The following CLDN14 variants were observed in gnomAD, a reference collection of about 807,000 sequenced individuals.
The protein encoded by CLDN14 is claudin-14.
In CLDN14, 2 loss-of-function variants were observed where a neutral mutation model predicts 2.1. The ratio of observed to expected loss-of-function variants is 0.96; its 90% CI spans 0.39 to 3.01. CLDN14 has a LOEUF of 3.01. CLDN14 is among the 30% of genes most tolerant of loss of function. The pLI, the probability that CLDN14 is intolerant of heterozygous loss-of-function variation, is 0.09. For missense variants in CLDN14, 298 were observed against 328.0 expected, an observed-to-expected ratio of 0.91 and a Z score of 0.71; for synonymous variants, 136 against 154.4, an observed-to-expected ratio of 0.88 and a Z score of 0.88.
intron 1 of CLDN14, among the ~76,000 whole-genome samples, chr21:36,566,240 T>C (rs546979963): frequency 1.3e-5 from 2 of 152,228 alleles, no homozygotes; most frequent in African/African-American, 4.8e-5. Context: ...ACTAATTTGA[T>C]GATAACAAGG....
upstream of CLDN14, among the ~76,000 whole-genome samples, chr21:36,481,574 A>G (rs1271419073): frequency 6.6e-6 from 1 of 152,240 alleles, no homozygotes; most frequent in East Asian, 1.9e-4. Flanking sequence ...GCTTTAAAAT[A>G]TTATGATAGT....
chr21:36,564,531 G>A (rs548583477), intron 1 of CLDN14, among the ~76,000 whole-genome samples: 6 of 152,334 alleles, frequency 3.9e-5, no homozygotes, highest in Non-Finnish European at 8.8e-5. Context: ...GGCTGGGATT[G>A]AGTCTCTTTG....
chr21:36,493,715 T>C (rs1204942096), intron 2 of CLDN14, among the ~76,000 whole-genome samples: 1 of 152,116 alleles, frequency 6.6e-6, no homozygotes, highest in Admixed American at 6.5e-5. Context: ...ATGGGCTTTT[T>C]TTCTGCCCCC....
intron 1 of CLDN14, among the ~76,000 whole-genome samples, chr21:36,535,689 G>C (rs2087418459): frequency 6.6e-6 from 1 of 152,176 alleles, no homozygotes; most frequent in Non-Finnish European, 1.5e-5. Flanking sequence ...GAGTGGCTCT[G>C]AGCAGGTGAC....
In CLDN14 at chr21:36,553,020, G is replaced by A. The variant is rs903680016; in HGVS notation, c.-220+23391C>T. On this transcript the variant is annotated intron_variant, in intron 1 of 2. Coordinates refer to the CLDN14 transcript ENST00000342108. ...ATAACCCAGGTTTCCCGCCACCTAG[G>A]GCCCAGCTGACGCACACCAAATCCC... is the stretch of plus-strand genomic sequence containing the variant. Among the ~76,000 whole-genome samples the A allele has an allele frequency of 1.3e-5, 2 of 152,158 alleles. 1 individual carries two copies. Among genetic ancestry groups the A allele is most frequent in the African/African-American group, 4.8e-5 (2 of 41,422 alleles).
In CLDN14 at chr21:36,569,370, C is replaced by T. The variant is rs111703864; in HGVS notation, c.-220+7041G>A. On this transcript the variant is annotated intron_variant, in intron 1 of 2. Transcript: ENST00000342108. ...GGCAAAGGTTGCAGTGAGCTGAAATCGCACCACTATAGTCCAGCCTGGGCA... is the reference window on the plus strand; with the variant it reads ...GGCAAAGGTTGCAGTGAGCTGAAATTGCACCACTATAGTCCAGCCTGGGCA... Among the ~76,000 whole-genome samples, 8 of 151,484 alleles carry T rather than the reference C, an allele frequency of 5.3e-5. No individual in the cohort carries two copies. The East Asian group carries it at 1.4e-3, about 26-fold the overall frequency.
intron 1 of CLDN14, among the ~76,000 whole-genome samples, chr21:36,538,759 A>C (rs75344422): frequency 6.6e-6 from 1 of 151,888 alleles, no homozygotes; most frequent in African/African-American, 2.4e-5. Flanking sequence ...ATTGAAAACC[A>C]TTTTTTTTCC....
chr21:36,490,773 G>C (rs1206505065), intron 2 of CLDN14, among the ~76,000 whole-genome samples: 2 of 152,092 alleles, frequency 1.3e-5, no homozygotes, highest in African/African-American at 4.8e-5. Context: ...GGCCTTAAGA[G>C]ATCCTCCCAC....
At chr21:36,524,962 A>G (rs2087311933) in intron 1 of CLDN14, among the ~76,000 whole-genome samples, 1 of 152,102 alleles carries the variant, frequency 6.6e-6, no homozygotes. Context: ...GGCCACCTTG[A>G]CTGCCCTTGG....
intron 1 of CLDN14, among the ~76,000 whole-genome samples, chr21:36,467,416 G>A (rs2086660064): frequency 6.6e-6 from 1 of 152,014 alleles, no homozygotes; most frequent in Admixed American, 6.6e-5. Context: ...CCCTGGGCAT[G>A]TCTGTTTCAT....
At chr21:36,536,333 G>T (rs979053486) in intron 1 of CLDN14, among the ~76,000 whole-genome samples, 3 of 152,200 alleles carry the variant, frequency 2.0e-5, no homozygotes, top group Non-Finnish European at 4.4e-5. Flanking sequence ...GTTCTCCCTC[G>T]TGTTAGATGC....
intron 1 of CLDN14, among the ~76,000 whole-genome samples, chr21:36,564,033 C>G (rs2087655872): frequency 1.3e-5 from 2 of 152,224 alleles, no homozygotes; most frequent in Non-Finnish European, 2.9e-5. Context: ...GGCCGCCCTA[C>G]TCCCCAGTCC....
chr21:36,530,099 G>A (rs73206251), intron 1 of CLDN14, among the ~76,000 whole-genome samples: 14,095 of 152,222 alleles, frequency 0.093, 874 homozygotes, highest in Non-Finnish European at 0.14. Flanking sequence ...GTTCCGAGGC[G>A]GGCCGGGAAG....
At chr21:36,490,601 C>T (rs1357344852) in intron 2 of CLDN14, among the ~76,000 whole-genome samples, 2 of 151,204 alleles carry the variant, frequency 1.3e-5, no homozygotes, top group Admixed American at 6.6e-5. Context: ...GTTGGCCAGG[C>T]TGCTTTCAAA....
chr21:36,552,105 G>A (rs2146517907), intron 1 of CLDN14, among the ~76,000 whole-genome samples: 1 of 152,338 alleles, frequency 6.6e-6, no homozygotes, highest in Non-Finnish European at 1.5e-5. Context: ...ACTGAGTCAT[G>A]AGGTATTCTT....
chr21:36,473,759 C>T (rs2086738972), intron 1 of CLDN14, among the ~76,000 whole-genome samples: 1 of 152,108 alleles, frequency 6.6e-6, no homozygotes, highest in East Asian at 1.9e-4. Flanking sequence ...TTCTAGGAAC[C>T]CTCCAACATC....
intron 1 of CLDN14, among the ~76,000 whole-genome samples, chr21:36,518,615 AAAC>A (rs36007215): frequency 3.3e-5 from 5 of 152,086 alleles, no homozygotes; most frequent in Admixed American, 6.6e-5. Flanking sequence ...ACAAACAAAC[AAAC>A]AACAACAACA....
At chr21:36,547,965 C>T (rs1250091531) in intron 1 of CLDN14, among the ~76,000 whole-genome samples, 1 of 152,240 alleles carries the variant, frequency 6.6e-6, no homozygotes, top group Non-Finnish European at 1.5e-5. Flanking sequence ...GGCGGTGTCA[C>T]TTCCATTCTT....
chr21:36,473,858 G>A (rs1017499404), intron 1 of CLDN14, among the ~76,000 whole-genome samples: 12 of 152,222 alleles, frequency 7.9e-5, no homozygotes, highest in Non-Finnish European at 1.3e-4. Flanking sequence ...AGAGGAGACT[G>A]GTGAGGGAGG....
Sources: allele counts gnomAD v4.1 joint callset (sites outside exome capture counted in the v4.1 genomes callset), GRCh38; gene constraint gnomAD v4.1.1; transcripts MANE v1.5; gene names NCBI Gene and HGNC (gene_info 2026-07-23, HGNC 2026-07-21).